The following SMIM3 variants were observed in gnomAD, a reference collection of about 807,000 sequenced individuals.
SMIM3 encodes small integral membrane protein 3.
In SMIM3, 4 loss-of-function variants were observed where a neutral mutation model predicts 2.1. The observed-to-expected ratio is 1.89, with a 90% CI of 0.93 to 4.31. The LOEUF is 4.31. Among genes scored for constraint, SMIM3 ranks in the 30% most tolerant of loss-of-function variants. The probability of loss-of-function intolerance (pLI) is 0.01; values close to 1 mark genes in which losing one functional copy is unlikely to be tolerated. For synonymous variants in SMIM3, 29 were observed against 30.8 expected, an observed-to-expected ratio of 0.94 and a Z score of 0.19; for missense variants, 79 against 77.7, an observed-to-expected ratio of 1.02 and a Z score of -0.06.
rs139420502 is a variant in SMIM3 at position 150,795,586 on chromosome 5, G to A, written c.146G>A (p.Arg49His). ...CCAGCCACTGCAGTAATCATCTATC[G>A]CATGCGGACTCATCCGATCCTTAGT... ...LCPATAVIIY[R>H]MRTHPILSGA... The change falls in exon 2 of 2, where the codon CGC becomes CAC. Residue 49 changes from arginine to histidine, a missense_variant. Coordinates refer to ENST00000526627, the MANE Select transcript of SMIM3 (RefSeq NM_032947.5). The A allele has an allele frequency of 4.2e-5, 67 of 1,580,956 alleles. No homozygotes were observed. The highest frequency in any genetic ancestry group is 2.9e-4 in the South Asian group (26 of 88,148).
rs1423523770 is a variant in SMIM3, at chr5:150,795,525, G to A, written c.85G>A (p.Ala29Thr). Reference protein sequence around the residue: ...DIWVIVLIILATIVIMTSLLL... With the variant: ...DIWVIVLIILTTIVIMTSLLL... ...CTGGGTTATTGTCCTCATCATCCTG[G>A]CCACCATTGTCATCATGACCTCGTT... Residue 29 changes from alanine to threonine, a missense_variant, in exon 2 of 2, where the codon GCC becomes ACC. Ala to Thr is a moderately conservative substitution (Grantham distance 58). Transcript: ENST00000526627. 6.2e-7 allele frequency: 1 copy of A among 1,612,556 alleles called. No homozygotes were observed. The highest frequency in any genetic ancestry group is 8.5e-7 in the Non-Finnish European group (1 of 1,179,834).
intron 1 of SMIM3, among the ~76,000 whole-genome samples, chr5:150,783,170 CAA>C (rs1753254008): frequency 6.6e-6 from 1 of 152,220 alleles, no homozygotes; most frequent in African/African-American, 2.4e-5. Context: ...GAAGGAACAG[CAA>C]ACACAAAGTT....
intron 1 of SMIM3, among the ~76,000 whole-genome samples, chr5:150,781,863 C>T (rs112717747): frequency 6.6e-6 from 1 of 152,192 alleles, no homozygotes; most frequent in Non-Finnish European, 1.5e-5. Flanking sequence ...GATAGTAGTG[C>T]CTTAAACAGG....
chr5:150,781,542 C>T (rs946023312), intron 1 of SMIM3, among the ~76,000 whole-genome samples: 3 of 152,142 alleles, frequency 2.0e-5, no homozygotes, highest in African/African-American at 7.2e-5. Flanking sequence ...TATTGATTTG[C>T]ACTCTGATTG....
rs779816744 is a variant in SMIM3 at position 150,795,517 on chromosome 5, T to A, written c.77T>A (p.Ile26Asn). 2.5e-6 allele frequency: 4 copies of A among 1,613,212 alleles called. No homozygotes were observed. Among genetic ancestry groups the A allele is most frequent in the Non-Finnish European group, 3.4e-6 (4 of 1,179,872 alleles). ...CTGGATATCTGGGTTATTGTCCTCA[T>A]CATCCTGGCCACCATTGTCATCATG... ...HILDIWVIVL[I>N]ILATIVIMTS... The change falls in exon 2 of 2, where the codon ATC becomes AAC. Residue 26 changes from isoleucine to asparagine, a missense_variant. Coordinates refer to ENST00000526627, the MANE Select transcript of SMIM3 (RefSeq NM_032947.5).
intron 1 of SMIM3, among the ~76,000 whole-genome samples, chr5:150,783,196 C>T (rs1753254261): frequency 6.6e-6 from 1 of 152,194 alleles, no homozygotes; most frequent in Non-Finnish European, 1.5e-5. Flanking sequence ...CAAGTGGGAT[C>T]AGCCCCTGGG....
intron 1 of SMIM3, among the ~76,000 whole-genome samples, chr5:150,788,734 C>T (rs116446846): frequency 1.4e-3 from 211 of 151,784 alleles, no homozygotes; most frequent in African/African-American, 5.1e-3. Context: ...TGTTAGTGGA[C>T]ACAAAATAGT....
At chr5:150,786,682 C>T (rs893162809) in intron 1 of SMIM3, among the ~76,000 whole-genome samples, 1 of 152,172 alleles carries the variant, frequency 6.6e-6, no homozygotes, top group South Asian at 2.1e-4. Flanking sequence ...CCTCCTTGAA[C>T]ATAGTAAGCT....
intron 1 of SMIM3, among the ~76,000 whole-genome samples, chr5:150,782,121 G>T (rs917239756): frequency 2.0e-5 from 3 of 152,198 alleles, no homozygotes; most frequent in African/African-American, 4.8e-5. Context: ...TGAGAACAGA[G>T]TGCTCCTTAG....
chr5:150,782,833 A>T (rs1753249402), intron 1 of SMIM3, among the ~76,000 whole-genome samples: 1 of 152,142 alleles, frequency 6.6e-6, no homozygotes. Context: ...CATTGATTTC[A>T]TATTTGTTGG....
chr5:150,791,766 G>A (rs1753351958), intron 1 of SMIM3, among the ~76,000 whole-genome samples: 1 of 152,084 alleles, frequency 6.6e-6, no homozygotes, highest in African/African-American at 2.4e-5. Context: ...TTGGTTATAT[G>A]CCCAGAAGTG....
At chr5:150,782,451 CT>C (rs1170966886) in intron 1 of SMIM3, among the ~76,000 whole-genome samples, 3 of 152,294 alleles carry the variant, frequency 2.0e-5, no homozygotes, top group African/African-American at 7.2e-5. Flanking sequence ...CCCCTCACCC[CT>C]GGTCCCTCCT....
chr5:150,782,551 T>C lies in SMIM3; in HGVS notation c.-12+3579T>C, dbSNP rs527425072. Among the ~76,000 whole-genome samples the C allele has an allele frequency of 3.3e-5, 5 of 152,254 alleles. No individual in the cohort carries two copies. The East Asian group carries it at 9.7e-4, about 29-fold the overall frequency. On this transcript the variant is annotated intron_variant, in intron 1 of 1. Transcript: ENST00000526627. Reference sequence around the variant, plus strand: ...CAAGCAAATCAACAAGTGGGAATCCTAGAGGGCTTCGTTCTGAAAGGCCAG... The same window carrying C: ...CAAGCAAATCAACAAGTGGGAATCCCAGAGGGCTTCGTTCTGAAAGGCCAG...
At position 150,795,945 on chromosome 5, in the gene SMIM3, A is replaced by G; in HGVS notation, c.*322A>G. Reference sequence around the variant, plus strand: ...AAGGGTGTTATGCTGAATCCTGAGAAGCTTTCAAGAACCAGAGAACCTGAT... The same window carrying G: ...AAGGGTGTTATGCTGAATCCTGAGAGGCTTTCAAGAACCAGAGAACCTGAT... On this transcript the variant is annotated 3_prime_UTR_variant, in exon 2 of 2. Transcript: ENST00000526627. 6.8e-6 allele frequency: 2 copies of G among 295,260 alleles called. No individual in the cohort carries two copies. The highest frequency in any genetic ancestry group is 8.9e-5 in the South Asian group (2 of 22,370). 18.3% of individuals were successfully genotyped at this position (295,260 alleles called of 1,614,324 possible).
chr5:150,789,393 C>T (rs189180657), intron 1 of SMIM3, among the ~76,000 whole-genome samples: 15 of 152,182 alleles, frequency 9.9e-5, no homozygotes, highest in East Asian at 5.8e-4. Flanking sequence ...GAGGTGGAAG[C>T]GACTGGAACC....
rs549009544 is a variant in SMIM3, at chr5:150,783,768, G to A, written c.-12+4796G>A. On this transcript the variant is annotated intron_variant, in intron 1 of 1. Coordinates refer to ENST00000526627, the MANE Select transcript of SMIM3 (RefSeq NM_032947.5). ...TAGTTGCAGCTCGGATGTGGAGGGT[G>A]TAAGTTTCCGGTGGGAGGTTCAAGC... is the stretch of plus-strand genomic sequence containing the variant. Among the ~76,000 whole-genome samples the A allele has an allele frequency of 6.6e-5, 10 of 152,246 alleles. No individual in the cohort carries two copies. The East Asian group carries it at 1.9e-3, about 29-fold the overall frequency.
chr5:150,791,809 C>T (rs189529585), intron 1 of SMIM3, among the ~76,000 whole-genome samples: 125 of 152,166 alleles, frequency 8.2e-4, no homozygotes, highest in African/African-American at 2.6e-3. Context: ...ACTCTATTTT[C>T]AATTATTTGA....
chr5:150,788,919 C>T (rs1014816537), intron 1 of SMIM3, among the ~76,000 whole-genome samples: 41 of 151,986 alleles, frequency 2.7e-4, no homozygotes, highest in Non-Finnish European at 8.8e-5. Context: ...GGGTGGTTTC[C>T]GTGCAGTTTC....
intron 1 of SMIM3, among the ~76,000 whole-genome samples, chr5:150,781,730 C>T (rs888132313): frequency 1.3e-5 from 2 of 152,048 alleles, no homozygotes; most frequent in Non-Finnish European, 2.9e-5. Flanking sequence ...AGGCAAGGCA[C>T]TACCACCGCC....
Sources: gnomAD v4.1 joint callset for allele counts (sites outside exome capture counted in the v4.1 genomes callset) on GRCh38, gnomAD v4.1.1 for gene constraint, MANE v1.5 for transcripts, NCBI Gene and HGNC (gene_info 2026-07-23, HGNC 2026-07-21) for gene names.